Variants in CNTNAP3B observed in about 807,000 individuals in gnomAD.
The protein encoded by CNTNAP3B is contactin associated protein family member 3B, also known as contactin-associated protein-like 3B.
In CNTNAP3B, 25 loss-of-function variants were observed where a neutral mutation model predicts 108.9. The observed-to-expected ratio is 0.23, with a 90% CI of 0.17 to 0.32. The LOEUF is 0.32. Among genes scored for constraint, CNTNAP3B ranks in the 10% least tolerant of loss-of-function variants. The probability of loss-of-function intolerance (pLI) is 1.00; values close to 1 mark genes in which losing one functional copy is unlikely to be tolerated. For synonymous variants in CNTNAP3B, 103 were observed against 473.4 expected, an observed-to-expected ratio of 0.22 and a Z score of 10.16; for missense variants, 252 against 1,210.4, an observed-to-expected ratio of 0.21 and a Z score of 11.75.
rs572041302 is a variant in CNTNAP3B, at chr9:42,061,140, C to T, written c.390+15729G>A. Among the ~76,000 whole-genome samples, 3 of 58,110 alleles carry T rather than the reference C, an allele frequency of 5.2e-5. 1 individual carries two copies. Among genetic ancestry groups the T allele is most frequent in the East Asian group, 6.2e-4 (1 of 1,606 alleles). 38.1% of individuals were successfully genotyped at this position (58,110 alleles called of 152,430 possible). ...ATCATTCTTCCTTGCTGATGTAGGC[C>T]ATTATTGCTATAAACCTAGAATTGC... On this transcript the variant is annotated intron_variant, in intron 3 of 23. Transcript: ENST00000377561.
At chr9:41,934,030 C>T (rs1824061890) in intron 14 of CNTNAP3B, among the ~76,000 whole-genome samples, 1 of 150,450 alleles carries the variant, frequency 6.6e-6, no homozygotes, top group African/African-American at 2.4e-5. Flanking sequence ...GCTTCACTTA[C>T]TCATTCCCAA....
At chr9:41,935,953 T>C (rs1228124913) in intron 14 of CNTNAP3B, among the ~76,000 whole-genome samples, 1 of 152,274 alleles carries the variant, frequency 6.6e-6, no homozygotes, top group Non-Finnish European at 1.5e-5. Flanking sequence ...ACTCAGTTCA[T>C]GGGAGGGTCA....
chr9:41,944,295 T>G (rs947287843), intron 13 of CNTNAP3B, among the ~76,000 whole-genome samples: 5 of 148,108 alleles, frequency 3.4e-5, no homozygotes, highest in African/African-American at 1.0e-4. Flanking sequence ...ATCTAGTGTC[T>G]TCTTCTTAAT....
Position 41,984,096 on chromosome 9 carries a change from G to T in CNTNAP3B, c.1477+2072C>A, listed in dbSNP as rs1266098113. Among the ~76,000 whole-genome samples the T allele has an allele frequency of 2.7e-4, 13 of 47,338 alleles. 2 individuals are homozygous for T. The highest frequency in any genetic ancestry group is 1.1e-3 in the African/African-American group (13 of 11,580). The allele number at this position is 47,338 out of a possible 152,430, so 31.1% of individuals were successfully genotyped here. On this transcript the variant is annotated intron_variant, in intron 9 of 23. Coordinates refer to ENST00000377561, the MANE Select transcript of CNTNAP3B (RefSeq NM_001201380.3). ...TAAATAAAAATCTTAAGCTCTTCAG[G>T]TTTACTTTGTGTCTGCTTAGAGGAA...
intron 1 of CNTNAP3B, among the ~76,000 whole-genome samples, chr9:42,124,746 G>A (rs1174843087): frequency 4.0e-5 from 5 of 124,882 alleles, no homozygotes; most frequent in African/African-American, 6.6e-5. Flanking sequence ...GATGTCCTAG[G>A]CAATAAACTT....
chr9:41,933,739 C>G (rs1824051913), intron 14 of CNTNAP3B, among the ~76,000 whole-genome samples: 2 of 152,400 alleles, frequency 1.3e-5, no homozygotes, highest in Admixed American at 1.3e-4. Flanking sequence ...CTTTTCCAAA[C>G]TTTTCATCAC....
At chr9:41,932,613 G>A (rs1824013181) in intron 14 of CNTNAP3B, among the ~76,000 whole-genome samples, 1 of 152,130 alleles carries the variant, frequency 6.6e-6, no homozygotes, top group South Asian at 2.1e-4. Flanking sequence ...TCCACCCCCA[G>A]GATTCAAGCG....
intron 9 of CNTNAP3B, among the ~76,000 whole-genome samples, chr9:41,984,037 C>T (rs1467012187): frequency 1.1e-5 from 1 of 90,834 alleles, no homozygotes; most frequent in East Asian, 6.8e-4. Flanking sequence ...GGGGACACAG[C>T]GAGACTCCGC....
chr9:41,958,021 C>T (rs1824923964), intron 12 of CNTNAP3B, among the ~76,000 whole-genome samples: 1 of 152,278 alleles, frequency 6.6e-6, no homozygotes, highest in Non-Finnish European at 1.5e-5. Context: ...CTCAGCCTCC[C>T]ACAGTGCTGG....
intron 14 of CNTNAP3B, among the ~76,000 whole-genome samples, chr9:41,935,458 G>A (rs1412451834): frequency 6.6e-6 from 1 of 152,280 alleles, no homozygotes; most frequent in African/African-American, 2.4e-5. Context: ...TAGAAAATAA[G>A]TAATAAAGAC....
At chr9:42,098,477 G>A (rs1159950571) in intron 2 of CNTNAP3B, among the ~76,000 whole-genome samples, 1 of 109,160 alleles carries the variant, frequency 9.2e-6, no homozygotes, top group Non-Finnish European at 1.9e-5. Flanking sequence ...CAGCTACTTG[G>A]GAGGCTGAGG....
At chr9:42,041,538 AT>A (rs1187539735) in intron 3 of CNTNAP3B, among the ~76,000 whole-genome samples, 4 of 143,444 alleles carry the variant, frequency 2.8e-5, no homozygotes, top group African/African-American at 8.1e-5. Context: ...CCACAATGAG[AT>A]ACCATCTCAC....
At chr9:41,933,821 TATTG>T (rs1824054382) in intron 14 of CNTNAP3B, among the ~76,000 whole-genome samples, 1 of 152,270 alleles carries the variant, frequency 6.6e-6, no homozygotes, top group Non-Finnish European at 1.5e-5. Flanking sequence ...ATATATTCAT[TATTG>T]ATTACAGTTA....
rs1231659164 is a variant in CNTNAP3B, at chr9:42,099,784, G to A, written c.196+4845C>T. ...ACAAATAACAATGCTGTCTAACTTC[G>A]TTAGACCATGAAAACACACGGGTTA... On this transcript the variant is annotated intron_variant, in intron 2 of 23. Coordinates refer to ENST00000377561, the MANE Select transcript of CNTNAP3B (RefSeq NM_001201380.3). 4.1e-4 allele frequency among the ~76,000 whole-genome samples: 39 copies of A among 95,282 alleles called. 9 individuals carry two copies. Among genetic ancestry groups the A allele is most frequent in the African/African-American group, 1.1e-3 (27 of 24,818 alleles). The allele number at this position is 95,282 out of a possible 152,430, so 62.5% of individuals were successfully genotyped here.
At chr9:41,961,576 C>T (rs1261418942) in intron 11 of CNTNAP3B, among the ~76,000 whole-genome samples, 1 of 152,294 alleles carries the variant, frequency 6.6e-6, no homozygotes, top group Non-Finnish European at 1.5e-5. Context: ...TTTTCTTAAG[C>T]TATGCGGCAG....
chr9:41,912,126 ATCCTAGGAATTCGT>A (rs1823427283), intron 18 of CNTNAP3B, among the ~76,000 whole-genome samples: 1 of 131,442 alleles, frequency 7.6e-6, no homozygotes, highest in Non-Finnish European at 1.6e-5. Flanking sequence ...AGTTAGTGTC[ATCCTAGGAATTCGT>A]CCATTTTATC....
intron 1 of CNTNAP3B, among the ~76,000 whole-genome samples, chr9:42,112,126 T>C (rs1380098880): frequency 7.2e-6 from 1 of 139,800 alleles, no homozygotes; most frequent in Non-Finnish European, 1.5e-5. Context: ...GTCTTCTCAC[T>C]GTTTCCTGAA....
In CNTNAP3B at chr9:42,077,105, G is replaced by C. The variant is rs1430116214; in HGVS notation, c.197-43C>G. 5.3e-6 allele frequency: 8 copies of C among 1,516,984 alleles called. 2 individuals carry two copies. Among genetic ancestry groups the C allele is most frequent in the Non-Finnish European group, 6.2e-6 (7 of 1,125,834 alleles). The allele number at this position is 1,516,984 out of a possible 1,614,324, so 94.0% of individuals were successfully genotyped here. ...AAGTATAAAAATGGTAGAGGAGGAA[G>C]TTATTTAACATAGCTGTTACTAGAT... On this transcript the variant is annotated intron_variant, in intron 2 of 23. Transcript: ENST00000377561.
chr9:42,080,575 C>G (rs1292876952), intron 2 of CNTNAP3B, among the ~76,000 whole-genome samples: 2 of 134,450 alleles, frequency 1.5e-5, no homozygotes, highest in East Asian at 2.3e-4. Context: ...CTATGGGTAA[C>G]AGAAAGAGAA....
Sources: gnomAD v4.1 joint callset for allele counts (sites outside exome capture counted in the v4.1 genomes callset) on GRCh38, gnomAD v4.1.1 for gene constraint, MANE v1.5 for transcripts, NCBI Gene and HGNC (gene_info 2026-07-23, HGNC 2026-07-21) for gene names.